Variants in STARD13 observed in about 807,000 individuals in gnomAD.
The protein encoded by STARD13 is StAR related lipid transfer domain containing 13, also known as stAR-related lipid transfer protein 13.
A neutral mutation model predicts 106.4 loss-of-function variants in STARD13; 62 were observed. The observed-to-expected ratio is 0.58, with a 90% confidence interval of 0.48 to 0.72. The LOEUF (loss-of-function observed/expected upper bound fraction) is 0.72. Among genes scored for constraint, STARD13 ranks in the 30% least tolerant of loss-of-function variants. The pLI is 0.00. For synonymous variants in STARD13, 565 were observed against 553.0 expected (o/e 1.02, Z -0.31); for missense variants, 1,387 against 1,424.0 (o/e 0.97, Z 0.42).
the STARD13 span, among the ~76,000 whole-genome samples, chr13:33,441,099 C>T: frequency 6.6e-6 from 1 of 152,044 alleles, no homozygotes; most frequent in African/African-American, 2.4e-5. Context: ...TTCCATCTAC[C>T]TGTTTGCTCA....
chr13:33,196,885 C>A (rs1249880365), intron 1 of STARD13, among the ~76,000 whole-genome samples: 1 of 152,142 alleles, frequency 6.6e-6, no homozygotes. Flanking sequence ...GTAAAATTGT[C>A]TGGAAGACTA....
the STARD13 span, among the ~76,000 whole-genome samples, chr13:33,472,382 A>C: frequency 6.6e-6 from 1 of 152,120 alleles, no homozygotes; most frequent in Non-Finnish European, 1.5e-5. Context: ...AAATACATAT[A>C]CTGGGGTTTC....
intron 1 of STARD13, among the ~76,000 whole-genome samples, chr13:33,179,660 G>A (rs577809125): frequency 6.6e-6 from 1 of 152,252 alleles, no homozygotes; most frequent in East Asian, 1.9e-4. Flanking sequence ...GTGGGCAGTG[G>A]GTCCTACCCT....
chr13:33,661,802 C>T, the STARD13 span, among the ~76,000 whole-genome samples: 6 of 151,382 alleles, frequency 4.0e-5, no homozygotes, highest in East Asian at 9.7e-4. Context: ...GGTGGGGACA[C>T]AGAGCCAACC....
intron 1 of STARD13, among the ~76,000 whole-genome samples, chr13:33,284,713 G>A (rs182183836): frequency 2.0e-5 from 3 of 150,916 alleles, no homozygotes; most frequent in African/African-American, 7.3e-5. Flanking sequence ...TACCCTATAA[G>A]GAGCATGTTT....
At chr13:33,329,466 T>C (rs1813277832) in intron 1 of STARD13, among the ~76,000 whole-genome samples, 1 of 152,134 alleles carries the variant, frequency 6.6e-6, no homozygotes, top group African/African-American at 2.4e-5. Context: ...GCAACCACCA[T>C]CCTACTTTCT....
At chr13:33,273,845 G>A (rs1212512994) in intron 1 of STARD13, 1 of 152,150 alleles carries the variant, frequency 6.6e-6, no homozygotes, top group Admixed American at 6.5e-5. Flanking sequence ...AAATCTCAAA[G>A]TTAACCTCAG....
At chr13:33,552,217 A>G in the STARD13 span, among the ~76,000 whole-genome samples, 1 of 152,212 alleles carries the variant, frequency 6.6e-6, no homozygotes, top group Admixed American at 6.5e-5. Flanking sequence ...TCGATAATTG[A>G]TGAACAACTA....
At position 33,130,055 on chromosome 13, in the gene STARD13, T is replaced by A. The variant is rs532975709; in HGVS notation, c.622A>T (p.Ser208Cys). Reference protein sequence around the residue: ...IHSESSGGSDSRSQPGQCCTD... With the variant: ...IHSESSGGSDCRSQPGQCCTD... ...CAGCACTGGCCCGGCTGGCTGCGAC[T>A]GTCGCTGCCTCCACTGCTTTCGCTG... is the stretch of plus-strand genomic sequence containing the variant. The change falls in exon 5 of 14, where the codon AGT becomes TGT. Residue 208 changes from serine to cysteine, a missense_variant. Physicochemically the swap from Ser to Cys is moderately radical, Grantham distance 112 (BLOSUM62 -1). Transcript: ENST00000336934. This position sits in a 1 kb window ranked among gnomAD's most constrained non-coding sequence, Gnocchi z 4.1. 1 of 1,613,912 alleles carries A rather than the reference T, an allele frequency of 6.2e-7. No homozygotes were observed. Among genetic ancestry groups the A allele is most frequent in the East Asian group, 2.2e-5 (1 of 44,876 alleles).
At chr13:33,342,973 C>A (rs1468738453) in intron 1 of STARD13, among the ~76,000 whole-genome samples, 1 of 152,206 alleles carries the variant, frequency 6.6e-6, no homozygotes, top group Admixed American at 6.5e-5. Flanking sequence ...CTAAGTAGCT[C>A]CACCCAGTTC....
At chr13:33,367,379 ATCAAT>A in the STARD13 span, among the ~76,000 whole-genome samples, 3 of 152,216 alleles carry the variant, frequency 2.0e-5, no homozygotes, top group Non-Finnish European at 4.4e-5. Context: ...TAAACAGTTA[ATCAAT>A]GACACATACA....
At chr13:33,652,386 G>A in the STARD13 span, among the ~76,000 whole-genome samples, 1 of 152,194 alleles carries the variant, frequency 6.6e-6, no homozygotes, top group Non-Finnish European at 1.5e-5. Context: ...ACAATTTGAT[G>A]ATTGCATATG....
chr13:33,393,110 G>A, the STARD13 span, among the ~76,000 whole-genome samples: 2 of 152,192 alleles, frequency 1.3e-5, no homozygotes, highest in African/African-American at 4.8e-5. Context: ...TAAATCTTAG[G>A]TGTTTGCTCT....
chr13:33,145,641 G>A (rs909195421), intron 3 of STARD13, among the ~76,000 whole-genome samples: 1 of 152,078 alleles, frequency 6.6e-6, no homozygotes, highest in Non-Finnish European at 1.5e-5. Flanking sequence ...CTGGTAAATG[G>A]ATATAAAAAT....
chr13:33,362,158 C>G, the STARD13 span, among the ~76,000 whole-genome samples: 1 of 151,986 alleles, frequency 6.6e-6, no homozygotes, highest in African/African-American at 2.4e-5. Flanking sequence ...GCTGTACAAG[C>G]GAGGCACCAA....
chr13:33,223,560 G>A (rs1888465345), intron 1 of STARD13, among the ~76,000 whole-genome samples: 1 of 152,118 alleles, frequency 6.6e-6, no homozygotes, highest in African/African-American at 2.4e-5. Flanking sequence ...TCGGGAGGCT[G>A]AGGCAGGAGA....
chr13:33,220,161 A>T (rs1184304624), intron 1 of STARD13, among the ~76,000 whole-genome samples: 3 of 152,218 alleles, frequency 2.0e-5, no homozygotes, highest in Admixed American at 6.5e-5. Context: ...AATATAAAAC[A>T]CCTGAATCAT....
chr13:33,323,830 A>G (rs1304233095), intron 1 of STARD13, among the ~76,000 whole-genome samples: 1 of 152,138 alleles, frequency 6.6e-6, no homozygotes, highest in Non-Finnish European at 1.5e-5. Flanking sequence ...GTCCAGTCTA[A>G]TTTCTATTCT....
At chr13:33,268,062 G>A (rs1288722209) in intron 1 of STARD13, among the ~76,000 whole-genome samples, 3 of 152,204 alleles carry the variant, frequency 2.0e-5, no homozygotes, top group Non-Finnish European at 4.4e-5. Flanking sequence ...TCAAAGGTTA[G>A]ACACGCTTCT....
Sources: allele counts gnomAD v4.1 joint callset (sites outside exome capture counted in the v4.1 genomes callset), GRCh38; gene constraint gnomAD v4.1.1; non-coding constraint Gnocchi (gnomAD v3.1); transcripts MANE v1.5; gene names NCBI Gene and HGNC (gene_info 2026-07-23, HGNC 2026-07-21).